Variants in TRIT1 observed in about 807,000 individuals in gnomAD.
TRIT1 encodes tRNA isopentenyltransferase 1.
Under a neutral mutation model 51.2 loss-of-function variants are expected in TRIT1, and 43 were observed. The observed-to-expected ratio is 0.84, with a 90% CI of 0.66 to 1.08. The LOEUF (loss-of-function observed/expected upper bound fraction) is 1.08. Ranked by LOEUF, TRIT1 falls within the 50% of genes least tolerant of loss-of-function variation. The pLI is 0.00. For synonymous variants in TRIT1, 184 were observed against 203.9 expected (o/e 0.90, Z 0.83); for missense variants, 528 against 578.4 (o/e 0.91, Z 0.89).
In TRIT1 at chr1:39,840,266, A is replaced by G. The variant is rs1252892255; in HGVS notation, c.*1478T>C. On this transcript the variant is annotated 3_prime_UTR_variant, in exon 11 of 11. Coordinates refer to ENST00000316891, the MANE Select transcript of TRIT1 (RefSeq NM_017646.6). ...AGAATAAATTTATTTTTGAGATTCA[A>G]ATCAGTTAAAAGTGGGTGAGGCTCT... Among the ~76,000 whole-genome samples the G allele has an allele frequency of 1.3e-5, 2 of 152,196 alleles. No individual in the cohort carries two copies. The highest frequency in any genetic ancestry group is 2.9e-5 in the Non-Finnish European group (2 of 68,030).
At chr1:39,874,157 G>A (rs975910844) in intron 1 of TRIT1, among the ~76,000 whole-genome samples, 1 of 152,116 alleles carries the variant, frequency 6.6e-6, no homozygotes, top group African/African-American at 2.4e-5. Context: ...CAGTAAGACC[G>A]TGTCTCAATC....
intron 10 of TRIT1, among the ~76,000 whole-genome samples, 175 bp downstream of exon 10, chr1:39,843,926 C>T (rs1642068961): frequency 6.6e-6 from 1 of 152,214 alleles, no homozygotes; most frequent in Non-Finnish European, 1.5e-5. Context: ...TCTCAGAATA[C>T]AGAGACAAAT....
At chr1:39,849,871 C>T (rs1210529457) in intron 5 of TRIT1, among the ~76,000 whole-genome samples, 1 of 152,186 alleles carries the variant, frequency 6.6e-6, no homozygotes, top group African/African-American at 2.4e-5. Flanking sequence ...TTCCGTCCAT[C>T]CCATCCCACT....
intron 6 of TRIT1, 100 bp from the exon 7 acceptor site, chr1:39,847,760 G>C: frequency 6.3e-7 from 1 of 1,586,234 alleles, no homozygotes; most frequent in Non-Finnish European, 8.6e-7. Context: ...GTCAGATAAG[G>C]AAATTGAGAT....
At chr1:39,844,012 C>CA in intron 10 of TRIT1, 89 bp downstream of exon 10, 1 of 864,440 alleles carries the variant, frequency 1.2e-6, no homozygotes, top group South Asian at 1.7e-5. Flanking sequence ...AAATAGACTC[C>CA]AGGTTCAATC....
rs767681909 is a variant in TRIT1, at chr1:39,844,632, G to A, written c.1015C>T (p.Pro339Ser). 6 of 1,611,496 alleles carry A rather than the reference G, an allele frequency of 3.7e-6. No homozygotes were observed. In the African/African-American group the frequency reaches 4.0e-5, roughly 11 times the overall value. ...VKNRFLSRPG[P>S]IVPPVYGLEV... is the part of the protein sequence containing the mutation. ...AAGCCATAGACAGGGGGGACAATGG[G>A]ACCAGGTCCTAATGATGACAAAGAA... The change falls in exon 9 of 11, where the codon CCC (proline) becomes TCC (serine). Residue 339 changes from proline (P) to serine (S), a missense_variant. By Grantham distance (74) the Pro-to-Ser change is moderately conservative (BLOSUM62 -1). Transcript: ENST00000316891.
chr1:39,868,047 C>G (rs553465624), intron 1 of TRIT1, among the ~76,000 whole-genome samples: 70 of 151,812 alleles, frequency 4.6e-4, no homozygotes, highest in Admixed American at 1.4e-3. Context: ...CGGGTTCATG[C>G]CATTCTCCTG....
At chr1:39,841,934 C>A (rs1463501802) in intron 10 of TRIT1, 21 bp from the exon 11 acceptor site, 5 of 1,578,696 alleles carry the variant, frequency 3.2e-6, no homozygotes, top group African/African-American at 1.4e-5. Flanking sequence ...AAAATCAAAC[C>A]AAACAAACAA....
intron 2 of TRIT1, among the ~76,000 whole-genome samples, chr1:39,855,342 G>C (rs1482902603): frequency 6.6e-6 from 1 of 152,060 alleles, no homozygotes; most frequent in African/African-American, 2.4e-5. Context: ...AAAAAACACT[G>C]TTTGCTTTAA....
chr1:39,862,313 T>TA (rs35360578), intron 1 of TRIT1, among the ~76,000 whole-genome samples: 73 of 139,284 alleles, frequency 5.2e-4, no homozygotes, highest in African/African-American at 6.3e-4. Context: ...TATCACAATT[T>TA]AAAAAAAAAA....
rs1429518736 is a variant in TRIT1, at chr1:39,847,306, T to C, written c.929-9A>G. 4.3e-6 allele frequency: 7 copies of C among 1,612,650 alleles called. No individual in the cohort carries two copies. Among genetic ancestry groups the C allele is most frequent in the African/African-American group, 1.3e-5 (1 of 74,890 alleles). ...TTTCAGAGCCTCAATACCTGAAAGA[T>C]ACAGTAGATTTAAGAACATCTAGGT... is the stretch of plus-strand genomic sequence containing the variant. On this transcript the variant is annotated splice_polypyrimidine_tract_variant and intron_variant, in intron 7 of 10. Coordinates refer to ENST00000316891, the MANE Select transcript of TRIT1 (RefSeq NM_017646.6).
intron 8 of TRIT1, among the ~76,000 whole-genome samples, chr1:39,845,829 C>T (rs530357587): frequency 4.6e-5 from 7 of 152,206 alleles, no homozygotes; most frequent in Non-Finnish European, 1.0e-4. Context: ...TGGCCAATCA[C>T]GCACAGCTCC....
At position 39,873,849 on chromosome 1, in the gene TRIT1, C is replaced by T. The variant is rs1171926125; in HGVS notation, c.174+9469G>A. On this transcript the variant is annotated intron_variant, in intron 1 of 10. Coordinates refer to ENST00000316891, the MANE Select transcript of TRIT1 (RefSeq NM_017646.6). The stretch of plus-strand genomic sequence containing the variant: ...GACCAGCCTGACCCACATGGAGAAA[C>T]CCCATCTCTACTAAAAATACAAAAT... Among the ~76,000 whole-genome samples the T allele has an allele frequency of 2.0e-5, 3 of 152,122 alleles. No individual in the cohort carries two copies. In the South Asian group the frequency reaches 6.2e-4, roughly 32 times the overall value.
At position 39,870,321 on chromosome 1, in the gene TRIT1, A is replaced by T. The variant is rs533457756; in HGVS notation, c.175-12904T>A. ...AGATGCTTGAAGGCAGCATGCTCGT[A>T]AAGAGTCATCACCACTCCCTAATCT... On this transcript the variant is annotated intron_variant, in intron 1 of 10. Coordinates refer to ENST00000316891, the MANE Select transcript of TRIT1 (RefSeq NM_017646.6). Among the ~76,000 whole-genome samples, 494 of 150,632 alleles carry T rather than the reference A, an allele frequency of 3.3e-3. 2 individuals carry two copies. Among genetic ancestry groups the T allele is most frequent in the African/African-American group, 9.3e-3 (381 of 40,752 alleles).
At chr1:39,844,780 A>G in intron 8 of TRIT1, 140 bp from the exon 9 acceptor site, 1 of 621,440 alleles carries the variant, frequency 1.6e-6, no homozygotes, top group Non-Finnish European at 2.9e-6. Context: ...CTAACTAAAC[A>G]TGAACCACAA....
chr1:39,864,005 C>T (rs935945053), intron 1 of TRIT1, among the ~76,000 whole-genome samples: 2 of 151,966 alleles, frequency 1.3e-5, no homozygotes, highest in Non-Finnish European at 2.9e-5. Context: ...AATTCTCCTG[C>T]CTCAGCCTCC....
intron 1 of TRIT1, among the ~76,000 whole-genome samples, chr1:39,874,580 T>C (rs959910916): frequency 2.0e-5 from 3 of 152,288 alleles, no homozygotes; most frequent in Admixed American, 2.0e-4. Flanking sequence ...ACCAAAATCA[T>C]TACTCCAGGA....
chr1:39,869,916 C>T (rs973573965), intron 1 of TRIT1, among the ~76,000 whole-genome samples: 2 of 152,086 alleles, frequency 1.3e-5, no homozygotes, highest in Non-Finnish European at 2.9e-5. Flanking sequence ...CCCGGCCAGC[C>T]GCCCCGTCCG....
intron 1 of TRIT1, among the ~76,000 whole-genome samples, chr1:39,858,008 C>G (rs1247535950): frequency 6.6e-6 from 1 of 152,158 alleles, no homozygotes; most frequent in Non-Finnish European, 1.5e-5. Context: ...CAGGGGTCAG[C>G]AAGGACAATC....
Sources: allele counts gnomAD v4.1 joint callset (sites outside exome capture counted in the v4.1 genomes callset), GRCh38; gene constraint gnomAD v4.1.1; transcripts MANE v1.5; gene names NCBI Gene and HGNC (gene_info 2026-07-23, HGNC 2026-07-21).